Variants in CFTR observed in about 807,000 individuals in gnomAD.
The protein encoded by CFTR is CF transmembrane conductance regulator, also known as cystic fibrosis transmembrane conductance regulator.
A neutral mutation model predicts 171.6 loss-of-function variants in CFTR; 181 were observed. The ratio of observed to expected loss-of-function variants is 1.05; its 90% CI spans 0.93 to 1.19. The LOEUF (loss-of-function observed/expected upper bound fraction) is 1.19. CFTR is among the 50% of genes most tolerant of loss of function. CFTR has a pLI of 0.00. For missense variants in CFTR, 1,968 were observed against 1,734.7 expected, an observed-to-expected ratio of 1.13 and a Z score of -2.39; for synonymous variants, 583 against 608.0, an observed-to-expected ratio of 0.96 and a Z score of 0.60.
chr7:117,542,499 A>T (rs890224250), intron 9 of CFTR, among the ~76,000 whole-genome samples: 2 of 152,114 alleles, frequency 1.3e-5, no homozygotes, highest in Non-Finnish European at 2.9e-5. Context: ...GTGAGCTAAG[A>T]TCACGCCACT....
In CFTR at chr7:117,559,158, G is replaced by C. The variant is rs145766666; in HGVS notation, c.1393-306G>C. Among the ~76,000 whole-genome samples the C allele has an allele frequency of 7.2e-5, 11 of 152,294 alleles. No homozygotes were observed. In the East Asian group the frequency reaches 2.1e-3, roughly 29 times the overall value. ...AGTGAGCACTTGGCAACTGTTAGCT[G>C]TTACTAACCTTTCCCATTCTTCCTC... On this transcript the variant is annotated intron_variant, in intron 10 of 26. Coordinates refer to ENST00000003084, the MANE Select transcript of CFTR (RefSeq NM_000492.4).
At chr7:117,514,087 A>G (rs1161440086) in intron 3 of CFTR, among the ~76,000 whole-genome samples, 1 of 152,224 alleles carries the variant, frequency 6.6e-6, no homozygotes. Context: ...AGGCATCAGC[A>G]TGATCACTTA....
chr7:117,563,577 G>A (rs904715493), intron 11 of CFTR, among the ~76,000 whole-genome samples: 4 of 152,008 alleles, frequency 2.6e-5, no homozygotes, highest in Non-Finnish European at 5.9e-5. Flanking sequence ...AAACTGGGAG[G>A]GAAGACAGGT....
intron 22 of CFTR, among the ~76,000 whole-genome samples, chr7:117,633,305 C>T (rs1792778159): frequency 6.6e-6 from 1 of 151,992 alleles, no homozygotes; most frequent in Non-Finnish European, 1.5e-5. Context: ...TTTCAAATTC[C>T]AATTTTTCAT....
At chr7:117,552,524 T>C (rs1005565934) in intron 10 of CFTR, among the ~76,000 whole-genome samples, 2 of 152,064 alleles carry the variant, frequency 1.3e-5, no homozygotes, top group African/African-American at 4.8e-5. Context: ...TTGAATATAT[T>C]TCAGGTGATA....
intron 21 of CFTR, among the ~76,000 whole-genome samples, chr7:117,617,848 T>C (rs746881473): frequency 3.3e-5 from 5 of 152,162 alleles, no homozygotes; most frequent in Non-Finnish European, 7.3e-5. Flanking sequence ...ACTTTCCATC[T>C]TTTCCTCAAT....
intron 15 of CFTR, among the ~76,000 whole-genome samples, chr7:117,597,373 C>T (rs1792147748): frequency 6.6e-6 from 1 of 152,190 alleles, no homozygotes; most frequent in Non-Finnish European, 1.5e-5. Context: ...CAAGAACCCA[C>T]CAATTCCGGA....
rs1800132 is a variant in CFTR, at chr7:117,652,886, C to T, written c.3918C>T (p.Pro1306=). Residue 1306 remains proline, a synonymous_variant, in exon 24 of 27, where the codon CCC becomes CCT. Transcript: ENST00000003084. Reference sequence around the variant, plus strand: ...GAACATTTAGAAAAAACTTGGATCCCTATGAACAGTGGAGTGATCAAGAAA... The same window carrying T: ...GAACATTTAGAAAAAACTTGGATCCTTATGAACAGTGGAGTGATCAAGAAA... The part of the protein sequence containing the change: ...FSGTFRKNLD[P]YEQWSDQEIW... 4.4e-6 allele frequency: 7 copies of T among 1,604,122 alleles called. No individual in the cohort carries two copies. The highest frequency in any genetic ancestry group is 6.0e-6 in the Non-Finnish European group (7 of 1,172,020).
intron 24 of CFTR, among the ~76,000 whole-genome samples, chr7:117,661,335 G>T (rs1041394007): frequency 6.6e-6 from 1 of 152,104 alleles, no homozygotes; most frequent in African/African-American, 2.4e-5. Flanking sequence ...TAAAAATTCT[G>T]TTCTCTAAAT....
intron 7 of CFTR, among the ~76,000 whole-genome samples, chr7:117,539,421 G>GTT (rs201470587): frequency 1.0e-3 from 153 of 145,764 alleles, no homozygotes; most frequent in African/African-American, 3.6e-3. Context: ...AACCACTTGG[G>GTT]TTTTTTTTTT....
At chr7:117,583,558 T>C (rs1791883930) in intron 11 of CFTR, among the ~76,000 whole-genome samples, 1 of 152,196 alleles carries the variant, frequency 6.6e-6, no homozygotes, top group Non-Finnish European at 1.5e-5. Flanking sequence ...CCACATTTTC[T>C]TTATCCACTT....
intron 21 of CFTR, among the ~76,000 whole-genome samples, chr7:117,623,325 T>C (rs1172019897): frequency 6.6e-6 from 1 of 152,214 alleles, no homozygotes; most frequent in African/African-American, 2.4e-5. Context: ...AGCTTGCTGC[T>C]CTAGACAGAG....
chr7:117,635,510 G>C (rs967935603), intron 22 of CFTR, among the ~76,000 whole-genome samples: 2 of 151,806 alleles, frequency 1.3e-5, no homozygotes, highest in Admixed American at 1.3e-4. Flanking sequence ...TACACTACTT[G>C]TTCTTTGTTT....
chr7:117,593,583 T>G (rs1327805219), intron 14 of CFTR, among the ~76,000 whole-genome samples: 1 of 151,980 alleles, frequency 6.6e-6, no homozygotes, highest in Non-Finnish European at 1.5e-5. Flanking sequence ...CTATATAGTG[T>G]TTTTTTGTGT....
chr7:117,618,653 T>G (rs1792529766), intron 21 of CFTR, among the ~76,000 whole-genome samples: 1 of 152,202 alleles, frequency 6.6e-6, no homozygotes. Context: ...TCAGTAGGCT[T>G]GACATTTTAA....
chr7:117,572,166 TA>T (rs1238826788), intron 11 of CFTR, among the ~76,000 whole-genome samples: 1 of 152,078 alleles, frequency 6.6e-6, no homozygotes, highest in Non-Finnish European at 1.5e-5. Context: ...CAGGTCCAGC[TA>T]ATTTTTGTAT....
At chr7:117,614,817 G>A (rs2116097009) in intron 21 of CFTR, 104 bp downstream of exon 21, 1 of 754,022 alleles carries the variant, frequency 1.3e-6, no homozygotes, top group East Asian at 2.7e-5. Context: ...TTGAGCTTAA[G>A]AAATAAAACA....
intron 12 of CFTR, among the ~76,000 whole-genome samples, chr7:117,588,988 A>AT (rs1395084916): frequency 2.0e-5 from 3 of 152,124 alleles, no homozygotes; most frequent in African/African-American, 4.8e-5. Context: ...AGAATTCCAC[A>AT]AATTTAGATA....
chr7:117,567,238 G>A (rs1299447271), intron 11 of CFTR, among the ~76,000 whole-genome samples: 1 of 152,078 alleles, frequency 6.6e-6, no homozygotes, highest in African/African-American at 2.4e-5. Flanking sequence ...TTAATTTAAG[G>A]AGGTCAAGAG....
Sources: allele counts gnomAD v4.1 joint callset (sites outside exome capture counted in the v4.1 genomes callset), GRCh38; gene constraint gnomAD v4.1.1; transcripts MANE v1.5; gene names NCBI Gene and HGNC (gene_info 2026-07-23, HGNC 2026-07-21).